The following TXNL4B variants were observed in gnomAD, a reference collection of about 807,000 sequenced individuals.
The protein encoded by TXNL4B is thioredoxin-like protein 4B.
A neutral mutation model predicts 13.0 loss-of-function variants in TXNL4B; 12 were observed. That is an observed-to-expected ratio of 0.92 (90% CI 0.59 to 1.49). The LOEUF is 1.49. TXNL4B is among the 40% of genes most tolerant of loss of function. The pLI, the probability that TXNL4B is intolerant of heterozygous loss-of-function variation, is 0.00. For missense variants in TXNL4B, 214 were observed against 173.6 expected, an observed-to-expected ratio of 1.23 and a Z score of -1.31; for synonymous variants, 59 against 58.9, an observed-to-expected ratio of 1.00 and a Z score of -0.01.
intron 2 of TXNL4B, chr16:72,090,107 A>G (rs1454461743): frequency 2.2e-6 from 1 of 455,992 alleles, no homozygotes; most frequent in African/African-American, 2.0e-5. Flanking sequence ...GTAGCAGTAG[A>G]AATGGCGGTA....
intron 1 of TXNL4B, among the ~76,000 whole-genome samples, chr16:72,092,206 C>G (rs1281681147): frequency 6.6e-6 from 1 of 152,174 alleles, no homozygotes; most frequent in Non-Finnish European, 1.5e-5. Flanking sequence ...GCCAGGAATT[C>G]GAGACCAGCC....
Position 72,085,245 on chromosome 16 carries a change from A to C in TXNL4B, c.*1392T>G, listed in dbSNP as rs1300947849. The C allele has an allele frequency of 2.7e-6, 1 of 374,980 alleles. No homozygotes were observed. The highest frequency in any genetic ancestry group is 2.1e-5 in the African/African-American group (1 of 48,146). The allele number at this position is 374,980 out of a possible 1,614,324, so 23.2% of individuals were successfully genotyped here. ...AAAGGGGTGGAATGGAGCCCCTGGCAAAGGGGGCTGGACTTGCAGTGACAG... is the reference window on the plus strand; with the variant it reads ...AAAGGGGTGGAATGGAGCCCCTGGCCAAGGGGGCTGGACTTGCAGTGACAG... On this transcript the variant is annotated 3_prime_UTR_variant, in exon 4 of 4. Coordinates refer to ENST00000268483, the MANE Select transcript of TXNL4B (RefSeq NM_017853.3).
intron 2 of TXNL4B, 83 bp from the exon 3 acceptor site, chr16:72,089,221 TG>T: frequency 7.7e-7 from 1 of 1,290,590 alleles, no homozygotes; most frequent in Non-Finnish European, 1.1e-6. Flanking sequence ...TACAACAGAG[TG>T]TTTTGTTTGA....
intron 3 of TXNL4B, among the ~76,000 whole-genome samples, chr16:72,088,453 T>G (rs2041855465): frequency 6.6e-6 from 1 of 152,258 alleles, no homozygotes. Context: ...GACATCATGT[T>G]ACTTATTCTT....
In TXNL4B at chr16:72,089,061, T is replaced by C; in HGVS notation, c.210A>G (p.Thr70=). ...LVDVDQTAVY[T]QYFDISYIPS... is the part of the protein sequence containing the mutation. ...GAATATAACTGATGTCAAAATACTG[T>C]GTATAAACTGCAGTTTGGTCCACAT... Residue 70 remains threonine (T), a synonymous_variant, in exon 3 of 4, where the codon ACA becomes ACG. Transcript: ENST00000268483. 6.2e-7 allele frequency: 1 copy of C among 1,611,366 alleles called. No individual in the cohort carries two copies. Among genetic ancestry groups the C allele is most frequent in the Non-Finnish European group, 8.5e-7 (1 of 1,177,530 alleles).
chr16:72,090,534 A>C, intron 2 of TXNL4B, 84 bp downstream of exon 2: 419 of 1,283,484 alleles, frequency 3.3e-4, no homozygotes, highest in Non-Finnish European at 4.2e-4. Flanking sequence ...AACCCTGACT[A>C]CTCCCTCTCA....
chr16:72,088,795 G>T (rs1240948243), intron 3 of TXNL4B, among the ~76,000 whole-genome samples, 192 bp downstream of exon 3: 1 of 152,102 alleles, frequency 6.6e-6, no homozygotes, highest in Admixed American at 6.6e-5. Context: ...AATAAAATTT[G>T]ACAATCATAC....
chr16:72,090,632 GCAGA>G lies in TXNL4B; in HGVS notation c.114_117del (p.Leu39SerfsTer2). ...CATTCACTTACAATATCATCTAGCT[GCAGA>G]CAGACAGGATCTTCATCTCTCCCAA... is the stretch of plus-strand genomic sequence containing the variant. On this transcript the variant is annotated frameshift_variant, in exon 2 of 4. Coordinates refer to ENST00000268483, the MANE Select transcript of TXNL4B (RefSeq NM_017853.3). LOFTEE classifies it high-confidence loss of function. 6.2e-7 allele frequency: 1 copy of G among 1,613,930 alleles called. No individual in the cohort carries two copies. Among genetic ancestry groups the G allele is most frequent in the Non-Finnish European group, 8.5e-7 (1 of 1,179,940 alleles).
Sources: allele counts gnomAD v4.1 joint callset (sites outside exome capture counted in the v4.1 genomes callset), GRCh38; gene constraint gnomAD v4.1.1; transcripts MANE v1.5; gene names NCBI Gene and HGNC (gene_info 2026-07-23, HGNC 2026-07-21).